Variants in MEF2D observed in about 807,000 individuals in gnomAD.
The protein encoded by MEF2D is myocyte enhancer factor 2D.
MEF2D carries 10 observed loss-of-function variants against 59.3 expected under a neutral mutation model. The ratio of observed to expected loss-of-function variants is 0.17; its 90% CI spans 0.10 to 0.29. MEF2D has a LOEUF of 0.29. Ranked by LOEUF, MEF2D falls within the 10% of genes least tolerant of loss-of-function variation. The probability of loss-of-function intolerance (pLI) is 1.00; values close to 1 mark genes in which losing one functional copy is unlikely to be tolerated. For synonymous variants in MEF2D, 305 were observed against 295.0 expected, an observed-to-expected ratio of 1.03 and a Z score of -0.35; for missense variants, 508 against 699.4, an observed-to-expected ratio of 0.73 and a Z score of 3.09.
intron 9 of MEF2D, among the ~76,000 whole-genome samples, chr1:156,472,410 G>A (rs940894183): frequency 3.3e-5 from 5 of 152,234 alleles, no homozygotes; most frequent in African/African-American, 1.2e-4. Flanking sequence ...GGGAGAAGGG[G>A]CTCAAAGACA....
chr1:156,476,935 T>A, intron 7 of MEF2D, 77 bp downstream of exon 7: 1 of 1,538,238 alleles, frequency 6.5e-7, no homozygotes, highest in Admixed American at 1.7e-5. Context: ...TCATCTCTCC[T>A]GCTAGAGGTC....
chr1:156,487,163 T>G (rs1672427345), intron 1 of MEF2D, among the ~76,000 whole-genome samples: 1 of 152,120 alleles, frequency 6.6e-6, no homozygotes, highest in South Asian at 2.1e-4. Context: ...CTGGCTGATC[T>G]CCTACACCGC....
chr1:156,476,900 G>T, intron 7 of MEF2D, 112 bp downstream of exon 7: 1 of 1,259,516 alleles, frequency 7.9e-7, no homozygotes, highest in East Asian at 2.3e-5. Flanking sequence ...ATTTATCTTG[G>T]GAAGTCCTAA....
At chr1:156,470,140 T>C (rs988780085) in intron 9 of MEF2D, among the ~76,000 whole-genome samples, 1 of 152,236 alleles carries the variant, frequency 6.6e-6, no homozygotes, top group African/African-American at 2.4e-5. Context: ...AATCACTGAA[T>C]GTTTCATGAT....
chr1:156,468,175 C>T lies in MEF2D; in HGVS notation c.1372G>A (p.Val458Met). 3 of 1,613,858 alleles carry T rather than the reference C, an allele frequency of 1.9e-6. No individual in the cohort carries two copies. The highest frequency in any genetic ancestry group is 8.5e-7 in the Non-Finnish European group (1 of 1,179,826). Residue 458 changes from valine (V) to methionine (M), a missense_variant, in exon 11 of 12, where the codon GTG becomes ATG. Transcript: ENST00000348159. This position sits in a 1 kb window ranked among gnomAD's most constrained non-coding sequence, Gnocchi z 4.3. ...GGCTCAGGGCGGGCAGCTGGGAACA[C>T]AGCTGGAGGGGGAGGCGCAGGGCTG... Reference protein sequence around the residue: ...ERSPAPPPPAVFPAARPEPGD... With the variant: ...ERSPAPPPPAMFPAARPEPGD...
intron 3 of MEF2D, 137 bp downstream of exon 3, chr1:156,482,300 C>T (rs186525363): frequency 7.9e-6 from 7 of 884,250 alleles, no homozygotes; most frequent in Non-Finnish European, 1.3e-5. Context: ...CATGTGTGTG[C>T]GCACAGGTGA....
chr1:156,495,242 T>G (rs1443626274), intron 1 of MEF2D, among the ~76,000 whole-genome samples: 1 of 152,180 alleles, frequency 6.6e-6, no homozygotes, highest in Admixed American at 6.5e-5. Flanking sequence ...CAGGTCTCCG[T>G]GGGCCTCCTT....
Position 156,479,810 on chromosome 1 carries a change from T to C in MEF2D, c.397-14A>G, listed in dbSNP as rs1327748805. ...CGGGACAGTTGACTAGACAGAAAGATGGAGGGGCAGGATCAGGCCAGGTTG... is the reference window on the plus strand; with the variant it reads ...CGGGACAGTTGACTAGACAGAAAGACGGAGGGGCAGGATCAGGCCAGGTTG... On this transcript the variant is annotated splice_polypyrimidine_tract_variant and intron_variant, in intron 4 of 11. Transcript: ENST00000348159. 1 of 1,551,056 alleles carries C rather than the reference T, an allele frequency of 6.4e-7. No individual in the cohort carries two copies. Among genetic ancestry groups the C allele is most frequent in the Non-Finnish European group, 8.7e-7 (1 of 1,146,738 alleles).
rs1265956306 is a variant in MEF2D at position 156,468,197 on chromosome 1, G to C, written c.1350C>G (p.Ser450Arg). Residue 450 changes from serine (S) to arginine (R), a missense_variant, in exon 11 of 12, where the codon AGC becomes AGG. Ser to Arg is a moderately radical substitution (Grantham distance 110). Around this residue, in one of 2 missense-constraint regions of MEF2D, gnomAD observed 481 missense variants for 584.7 expected, o/e 0.82. Coordinates refer to ENST00000348159, the MANE Select transcript of MEF2D (RefSeq NM_005920.4). This position sits in a 1 kb window ranked among gnomAD's most constrained non-coding sequence, Gnocchi z 4.3. ...ACACAGCTGGAGGGGGAGGCGCAGG[G>C]CTGCGCTCACGGCTTGGGGACACCG... The part of the protein sequence containing the change: ...SEPVSPSRER[S>R]PAPPPPAVFP... 6.2e-7 allele frequency: 1 copy of C among 1,613,526 alleles called. No individual in the cohort carries two copies. The highest frequency in any genetic ancestry group is 1.3e-5 in the African/African-American group (1 of 74,924).
At chr1:156,477,931 G>A (rs555346814) in intron 6 of MEF2D, among the ~76,000 whole-genome samples, 1 of 152,316 alleles carries the variant, frequency 6.6e-6, no homozygotes, top group East Asian at 1.9e-4. Context: ...ATCCACACAG[G>A]CCTTTCACAC....
chr1:156,471,460 T>C (rs745322346), intron 9 of MEF2D, among the ~76,000 whole-genome samples: 1 of 152,184 alleles, frequency 6.6e-6, no homozygotes, highest in Non-Finnish European at 1.5e-5. Flanking sequence ...TTGTACAAAC[T>C]AGGAAGCCAA....
intron 2 of MEF2D, 142 bp from the exon 3 acceptor site, chr1:156,482,782 C>T: frequency 1.3e-6 from 1 of 777,992 alleles, no homozygotes; most frequent in East Asian, 2.6e-5. Context: ...CTCAGGAGTC[C>T]CTGGTTTGGG....
At chr1:156,479,263 T>C in intron 6 of MEF2D, 27 bp downstream of exon 6, 2 of 1,593,456 alleles carry the variant, frequency 1.3e-6, no homozygotes, top group East Asian at 4.5e-5. Flanking sequence ...CCTCCCCACC[T>C]CCAGGTAGAA....
chr1:156,497,899 A>G (rs906558799), intron 1 of MEF2D, among the ~76,000 whole-genome samples: 7 of 151,850 alleles, frequency 4.6e-5, no homozygotes, highest in African/African-American at 1.7e-4. Flanking sequence ...GGACGACCAC[A>G]GCAGAGGGAC....
rs562536838 is a variant in MEF2D at position 156,467,921 on chromosome 1, G to A, written c.1554+72C>T. On this transcript the variant is annotated intron_variant, in intron 11 of 11. Coordinates refer to ENST00000348159, the MANE Select transcript of MEF2D (RefSeq NM_005920.4). The stretch of plus-strand genomic sequence containing the variant: ...GGCCTCTTGGGTGGGAAATAAAACA[G>A]GTTAGGGGGCACGCGGGGCAGTCCC... The A allele has an allele frequency of 3.9e-6, 6 of 1,531,520 alleles. 1 individual carries two copies. The South Asian group carries it at 6.2e-5, about 16-fold the overall frequency. 94.9% of individuals were successfully genotyped at this position (1,531,520 alleles called of 1,614,324 possible). A position where few individuals can be genotyped will look rare whatever the true frequency, so the allele number is the denominator to read the frequency against.
chr1:156,496,204 C>G (rs938202689), intron 1 of MEF2D, among the ~76,000 whole-genome samples: 8 of 152,212 alleles, frequency 5.3e-5, no homozygotes, highest in African/African-American at 1.9e-4. Flanking sequence ...GGCCAAGGAT[C>G]TACCCCCAGA....
intron 1 of MEF2D, among the ~76,000 whole-genome samples, chr1:156,487,325 C>T (rs571512834): frequency 6.6e-6 from 1 of 152,346 alleles, no homozygotes; most frequent in East Asian, 1.9e-4. Flanking sequence ...CACTCCCTAC[C>T]AAGGTAGCCC....
rs1444019231 is a variant in MEF2D, at chr1:156,464,628, T to TC, written c.*3016dup. 1 of 152,116 alleles carries TC rather than the reference T, an allele frequency of 6.6e-6. No individual in the cohort carries two copies. Among genetic ancestry groups the TC allele is most frequent in the African/African-American group, 2.4e-5 (1 of 41,398 alleles). The allele number at this position is 152,116 out of a possible 1,614,324, so 9.4% of individuals were successfully genotyped here. A position where few individuals can be genotyped will look rare whatever the true frequency, so the allele number is the denominator to read the frequency against. ...TTAAGTCCTCATCTGAGGTCTGGGT[T>TC]CCCAGGGACCCATTCATCTGGCCGC... On this transcript the variant is annotated 3_prime_UTR_variant, in exon 12 of 12. Coordinates refer to ENST00000348159, the MANE Select transcript of MEF2D (RefSeq NM_005920.4).
At chr1:156,480,417 C>G (rs1384086880) in intron 4 of MEF2D, among the ~76,000 whole-genome samples, 1 of 152,158 alleles carries the variant, frequency 6.6e-6, no homozygotes, top group Non-Finnish European at 1.5e-5. Context: ...CATCTACACA[C>G]TTCTTGCTGG....
Sources: gnomAD v4.1 joint callset for allele counts (sites outside exome capture counted in the v4.1 genomes callset) on GRCh38, gnomAD v4.1.1 for gene constraint, gnomAD v4.1.1 regional missense constraint, Gnocchi (gnomAD v3.1) non-coding constraint, MANE v1.5 for transcripts, NCBI Gene and HGNC (gene_info 2026-07-23, HGNC 2026-07-21) for gene names.